The following RANBP2 variants were observed in gnomAD, a reference collection of about 807,000 sequenced individuals.
RANBP2 encodes E3 SUMO-protein ligase RanBP2.
In RANBP2, 57 loss-of-function variants were observed where a neutral mutation model predicts 303.6. The observed-to-expected ratio is 0.19, with a 90% CI of 0.15 to 0.23. RANBP2 has a LOEUF of 0.23. Among genes scored for constraint, RANBP2 ranks in the 10% least tolerant of loss-of-function variants. RANBP2 has a pLI of 1.00. For missense variants in RANBP2, 3,138 were observed against 3,780.8 expected (o/e 0.83, Z 4.46); for synonymous variants, 1,167 against 1,301.5 (o/e 0.90, Z 2.23).
the RANBP2 span, among the ~76,000 whole-genome samples, chr2:109,011,706 C>T: frequency 4.6e-5 from 7 of 152,142 alleles, no homozygotes; most frequent in African/African-American, 1.7e-4. Context: ...GTTTGTTAGT[C>T]TTTTTCCCTC....
the RANBP2 span, among the ~76,000 whole-genome samples, chr2:109,278,385 A>G: frequency 6.6e-6 from 1 of 152,126 alleles, no homozygotes; most frequent in African/African-American, 2.4e-5. Flanking sequence ...TGCAGTGGTG[A>G]TGACACTTCT....
chr2:109,634,195 A>G, the RANBP2 span, among the ~76,000 whole-genome samples: 1 of 151,858 alleles, frequency 6.6e-6, no homozygotes, highest in Non-Finnish European at 1.5e-5. Context: ...CAAAGATATA[A>G]TAGCCAGGAA....
chr2:108,753,834 A>G lies in RANBP2; in HGVS notation c.2065A>G (p.Arg689Gly). The change falls in exon 15 of 29, where the codon AGG becomes GGG. Residue 689 changes from arginine (R) to glycine (G), a missense_variant. Physicochemically the swap from Arg to Gly is moderately radical, Grantham distance 125. Around this residue, in one of 20 missense-constraint regions of RANBP2, gnomAD observed 194 missense variants for 197.4 expected, o/e 0.98. Coordinates refer to ENST00000283195, the MANE Select transcript of RANBP2 (RefSeq NM_006267.5). ...SYWNLALIFH[R>G]KAEDIENDAL... ...AGCACTATTTGTATAGATTTTTCAC[A>G]GGAAGGCAGAAGACATTGAAAATGA... 2 of 1,612,022 alleles carry G rather than the reference A, an allele frequency of 1.2e-6. No homozygotes were observed. The highest frequency in any genetic ancestry group is 2.2e-5 in the South Asian group (2 of 90,990).
chr2:108,863,405 C>T, the RANBP2 span, among the ~76,000 whole-genome samples: 1 of 152,040 alleles, frequency 6.6e-6, no homozygotes, highest in African/African-American at 2.4e-5. Context: ...AAAGGGTGTG[C>T]TGTACTTTAG....
At chr2:109,129,147 C>T in the RANBP2 span, 1 of 387,722 alleles carries the variant, frequency 2.6e-6, no homozygotes, top group Non-Finnish European at 5.0e-6. Context: ...GGGACCTGGC[C>T]GGCCGCTGCC....
At chr2:109,202,840 T>G in the RANBP2 span, among the ~76,000 whole-genome samples, 8 of 152,222 alleles carry the variant, frequency 5.3e-5, no homozygotes, top group Non-Finnish European at 1.2e-4. Context: ...GGCCCAACTT[T>G]AAGTGTTGCA....
chr2:109,457,925 A>G, the RANBP2 span, among the ~76,000 whole-genome samples: 1 of 152,336 alleles, frequency 6.6e-6, no homozygotes, highest in Admixed American at 6.5e-5. Flanking sequence ...AACATTCCAC[A>G]GCACTTGCCA....
the RANBP2 span, among the ~76,000 whole-genome samples, chr2:108,869,128 C>T: frequency 6.6e-6 from 1 of 151,978 alleles, no homozygotes; most frequent in Non-Finnish European, 1.5e-5. Context: ...TAGGATGTTG[C>T]AGGTGCTTGT....
At chr2:109,255,403 G>T in the RANBP2 span, among the ~76,000 whole-genome samples, 1 of 152,256 alleles carries the variant, frequency 6.6e-6, no homozygotes, top group East Asian at 1.9e-4. Context: ...GGAATGTCTG[G>T]GTTGTTCTCA....
the RANBP2 span, among the ~76,000 whole-genome samples, chr2:109,305,591 G>C: frequency 6.6e-6 from 1 of 152,188 alleles, no homozygotes; most frequent in South Asian, 2.1e-4. Flanking sequence ...TCTCAGCTAA[G>C]CTAAGGGAGA....
At chr2:109,285,794 T>TA in the RANBP2 span, among the ~76,000 whole-genome samples, 8 of 152,212 alleles carry the variant, frequency 5.3e-5, no homozygotes, top group Admixed American at 5.2e-4. Flanking sequence ...GTCTGTGTGT[T>TA]AGAGAGCATC....
At chr2:109,676,478 A>T in the RANBP2 span, among the ~76,000 whole-genome samples, 98 of 152,328 alleles carry the variant, frequency 6.4e-4, no homozygotes, top group South Asian at 0.011. Context: ...TTGTTGAGCA[A>T]ACTTTTTCCT....
At chr2:109,633,347 C>T in the RANBP2 span, among the ~76,000 whole-genome samples, 81 of 152,142 alleles carry the variant, frequency 5.3e-4, no homozygotes, top group African/African-American at 1.8e-3. Context: ...GAGCTGAGAT[C>T]GTGCTACTGC....
At chr2:109,129,151 C>A in the RANBP2 span, 9 of 409,126 alleles carry the variant, frequency 2.2e-5, no homozygotes, top group African/African-American at 8.6e-5. Flanking sequence ...CCTGGCCGGC[C>A]GCTGCCCGCA....
the RANBP2 span, among the ~76,000 whole-genome samples, chr2:108,961,107 C>T: frequency 4.6e-5 from 7 of 152,188 alleles, no homozygotes; most frequent in Non-Finnish European, 7.3e-5. Flanking sequence ...GGCCACCTCC[C>T]GACCAGCACT....
At chr2:108,944,756 G>C in the RANBP2 span, among the ~76,000 whole-genome samples, 1 of 152,178 alleles carries the variant, frequency 6.6e-6, no homozygotes, top group African/African-American at 2.4e-5. Flanking sequence ...CTGTGGCACA[G>C]AGCCGGTCCC....
At chr2:109,515,594 C>T in the RANBP2 span, among the ~76,000 whole-genome samples, 1 of 152,160 alleles carries the variant, frequency 6.6e-6, no homozygotes, top group Non-Finnish European at 1.5e-5. Flanking sequence ...GCACCCCAAA[C>T]TCGGCCATGG....
chr2:108,813,024 C>T, the RANBP2 span: 36 of 905,934 alleles, frequency 4.0e-5, no homozygotes, highest in East Asian at 4.5e-4. Flanking sequence ...CTGAGATGGG[C>T]GGATCACGAT....
the RANBP2 span, among the ~76,000 whole-genome samples, chr2:109,330,614 TGTGTG>T: frequency 4.0e-5 from 6 of 151,806 alleles, no homozygotes; most frequent in Non-Finnish European, 8.8e-5. Flanking sequence ...GGTCAATGGG[TGTGTG>T]GTGGATGGAT....
Sources: allele counts gnomAD v4.1 joint callset (sites outside exome capture counted in the v4.1 genomes callset), GRCh38; gene constraint gnomAD v4.1.1; regional missense constraint gnomAD v4.1.1; transcripts MANE v1.5; gene names NCBI Gene and HGNC (gene_info 2026-07-23, HGNC 2026-07-21).